The following AATF variants were observed in gnomAD, a reference collection of about 807,000 sequenced individuals.
AATF encodes protein AATF.
A neutral mutation model predicts 63.7 loss-of-function variants in AATF; 48 were observed. The observed-to-expected ratio is 0.75, with a 90% CI of 0.60 to 0.96. The LOEUF is 0.96. AATF is among the 40% of genes least tolerant of loss of function. The pLI is 0.00. For missense variants in AATF, 639 were observed against 685.7 expected, an observed-to-expected ratio of 0.93 and a Z score of 0.76; for synonymous variants, 258 against 247.7, an observed-to-expected ratio of 1.04 and a Z score of -0.39.
intron 8 of AATF, among the ~76,000 whole-genome samples, chr17:37,004,160 T>C (rs2071323661): frequency 6.6e-6 from 1 of 151,536 alleles, no homozygotes; most frequent in Admixed American, 6.6e-5. Flanking sequence ...TGAAACCCCA[T>C]CTCTACTAAA....
At chr17:36,964,751 G>A (rs1286251875) in intron 4 of AATF, among the ~76,000 whole-genome samples, 7 of 127,940 alleles carry the variant, frequency 5.5e-5, no homozygotes, top group Admixed American at 4.9e-4. Context: ...TTTCCCTTTT[G>A]CCCCCCTCCC....
intron 9 of AATF, 135 bp downstream of exon 9, chr17:37,019,207 A>C (rs2071450953): frequency 1.4e-6 from 1 of 707,470 alleles, no homozygotes; most frequent in Non-Finnish European, 2.4e-6. Context: ...AGCTAGAAAG[A>C]AAATGTGACT....
chr17:37,031,805 C>A, intron 11 of AATF, 120 bp downstream of exon 11: 2 of 817,848 alleles, frequency 2.4e-6, no homozygotes, highest in Admixed American at 1.9e-5. Flanking sequence ...ATTGGCATCG[C>A]AGTAAGGGTC....
intron 8 of AATF, among the ~76,000 whole-genome samples, chr17:36,996,938 A>G (rs1161423593): frequency 1.3e-5 from 2 of 152,196 alleles, no homozygotes; most frequent in African/African-American, 4.8e-5. Flanking sequence ...GAAGCCTAAA[A>G]CAGTACATTT....
chr17:37,004,832 T>A (rs2071330062), intron 8 of AATF, among the ~76,000 whole-genome samples: 1 of 152,144 alleles, frequency 6.6e-6, no homozygotes, highest in African/African-American at 2.4e-5. Context: ...TTACTGGTAA[T>A]ATGAAAGTGA....
At chr17:36,963,502 T>C (rs1270281753) in intron 4 of AATF, among the ~76,000 whole-genome samples, 1 of 152,222 alleles carries the variant, frequency 6.6e-6, no homozygotes, top group Non-Finnish European at 1.5e-5. Context: ...CAAAACTTGA[T>C]TTTTTGCTTT....
At chr17:36,973,924 A>T (rs575533999) in intron 4 of AATF, among the ~76,000 whole-genome samples, 52 of 152,268 alleles carry the variant, frequency 3.4e-4, no homozygotes, top group Non-Finnish European at 6.8e-4. Context: ...TACAGAAATT[A>T]GCTGGGCGTG....
intron 4 of AATF, among the ~76,000 whole-genome samples, chr17:36,962,521 G>A (rs1282750426): frequency 6.6e-6 from 1 of 152,052 alleles, no homozygotes; most frequent in Non-Finnish European, 1.5e-5. Context: ...CTGTTTTGGG[G>A]TTGGGTTTCT....
intron 11 of AATF, among the ~76,000 whole-genome samples, chr17:37,050,306 C>T (rs1490794430): frequency 6.6e-6 from 1 of 152,224 alleles, no homozygotes; most frequent in Non-Finnish European, 1.5e-5. Context: ...CTAGCTTCTG[C>T]TGTGCCTTTC....
At chr17:36,953,943 C>G (rs1219825964) in intron 4 of AATF, 36 bp downstream of exon 4, 1 of 1,599,706 alleles carries the variant, frequency 6.3e-7, no homozygotes, top group South Asian at 1.1e-5. Flanking sequence ...ATACTTAGAA[C>G]CACTTTGTCA....
At chr17:36,949,261 G>A (rs1347723910) in intron 1 of AATF, 45 bp downstream of exon 1, 1 of 1,532,706 alleles carries the variant, frequency 6.5e-7, no homozygotes, top group East Asian at 2.5e-5. Context: ...GGTGGGCCAG[G>A]CCCTGTGGGG....
intron 11 of AATF, among the ~76,000 whole-genome samples, chr17:37,043,508 A>G (rs1354924666): frequency 6.6e-6 from 1 of 152,214 alleles, no homozygotes; most frequent in Non-Finnish European, 1.5e-5. Flanking sequence ...TTAACTGTAT[A>G]ACAGTTCACA....
rs1025930891 is a variant in AATF, at chr17:36,953,924, C to A, written c.832+17C>A. 1 of 1,611,226 alleles carries A rather than the reference C, an allele frequency of 6.2e-7. No homozygotes were observed. Among genetic ancestry groups the A allele is most frequent in the South Asian group, 1.1e-5 (1 of 90,556 alleles). ...TGAAAAATAGTAAGAATACTTATGT[C>A]CTGTTGGAATACTTAGAACCACTTT... is the stretch of plus-strand genomic sequence containing the variant. On this transcript the variant is annotated intron_variant, in intron 4 of 11. Coordinates refer to ENST00000619387, the MANE Select transcript of AATF (RefSeq NM_012138.4).
intron 11 of AATF, chr17:37,046,019 T>A (rs138943690): frequency 7.1e-4 from 108 of 152,290 alleles, no homozygotes; most frequent in African/African-American, 2.2e-3. Context: ...CTTTTTTTTT[T>A]AATCAATTAA....
chr17:36,976,001 G>C (rs150555308), intron 4 of AATF, among the ~76,000 whole-genome samples: 6 of 152,260 alleles, frequency 3.9e-5, no homozygotes, highest in African/African-American at 1.4e-4. Context: ...TACTGGACCT[G>C]CTTTCCATCC....
intron 4 of AATF, among the ~76,000 whole-genome samples, chr17:36,981,336 G>T (rs1406842540): frequency 6.6e-6 from 1 of 152,094 alleles, no homozygotes; most frequent in East Asian, 1.9e-4. Flanking sequence ...AGACTGCTTT[G>T]CAGCTTATTC....
chr17:37,045,261 C>A lies in AATF; in HGVS notation c.1620-11340C>A, dbSNP rs759289374. On this transcript the variant is annotated intron_variant, in intron 11 of 11. Coordinates refer to ENST00000619387, the MANE Select transcript of AATF (RefSeq NM_012138.4). ...GCAGAACACTTTATAAACATTAATTCTTTGACCCCCTGGGCACCTCCACTT... is the reference window on the plus strand; with the variant it reads ...GCAGAACACTTTATAAACATTAATTATTTGACCCCCTGGGCACCTCCACTT... 5.1e-4 allele frequency among the ~76,000 whole-genome samples: 78 copies of A among 152,310 alleles called. 1 individual carries two copies. Among genetic ancestry groups the A allele is most frequent in the Admixed American group, 7.8e-4 (12 of 15,300 alleles).
intron 11 of AATF, among the ~76,000 whole-genome samples, chr17:37,040,858 G>T (rs890622377): frequency 2.2e-4 from 33 of 152,104 alleles, no homozygotes; most frequent in African/African-American, 8.0e-4. Flanking sequence ...CTGGTTTTAT[G>T]TTATATCATT....
rs772988204 is a variant in AATF at position 36,953,889 on chromosome 17, T to A, written c.814T>A (p.Ser272Thr). 5.0e-6 allele frequency: 8 copies of A among 1,613,598 alleles called. No individual in the cohort carries two copies. The African/African-American group carries it at 1.1e-4, about 22-fold the overall frequency. ...LFKDKGGPEF[S>T]SALKNSHKAL... The stretch of plus-strand genomic sequence containing the variant: ...CAAGGACAAAGGTGGCCCAGAATTT[T>A]CCAGTGCCCTGAAAAATAGTAAGAA... Residue 272 changes from serine to threonine, a missense_variant, in exon 4 of 12, where the codon TCC becomes ACC. By Grantham distance (58) the Ser-to-Thr change is moderately conservative (BLOSUM62 1). Transcript: ENST00000619387.
Sources: allele counts gnomAD v4.1 joint callset (sites outside exome capture counted in the v4.1 genomes callset), GRCh38; gene constraint gnomAD v4.1.1; transcripts MANE v1.5; gene names NCBI Gene and HGNC (gene_info 2026-07-23, HGNC 2026-07-21).